The following VWA8 variants were observed in gnomAD, a reference collection of about 807,000 sequenced individuals.
VWA8 encodes von Willebrand factor A domain containing 8.
VWA8 carries 221 observed loss-of-function variants against 241.5 expected under a neutral mutation model. That is an observed-to-expected ratio of 0.91 (90% CI 0.82 to 1.02). The LOEUF is 1.02. Among genes scored for constraint, VWA8 ranks in the 50% least tolerant of loss-of-function variants. The pLI, the probability that VWA8 is intolerant of heterozygous loss-of-function variation, is 0.00. For synonymous variants in VWA8, 852 were observed against 827.1 expected (o/e 1.03, Z -0.52); for missense variants, 2,322 against 2,328.7 (o/e 1.00, Z 0.06).
chr13:41,888,152 T>C lies in VWA8; in HGVS notation c.652-791A>G, dbSNP rs530888169. Among the ~76,000 whole-genome samples, 13 of 152,318 alleles carry C rather than the reference T, an allele frequency of 8.5e-5. No individual in the cohort carries two copies. In the South Asian group the frequency reaches 2.7e-3, roughly 32 times the overall value. ...CTGCTAGGAAAACTAAATGTGTAAA[T>C]GTATGTGCAAACAAGTGGCCCAAAG... On this transcript the variant is annotated intron_variant, in intron 5 of 44. Coordinates refer to ENST00000379310, the MANE Select transcript of VWA8 (RefSeq NM_015058.2).
At chr13:41,774,357 G>A (rs946461909) in intron 20 of VWA8, among the ~76,000 whole-genome samples, 1 of 152,162 alleles carries the variant, frequency 6.6e-6, no homozygotes, top group Non-Finnish European at 1.5e-5. Context: ...TGGCCAGGCT[G>A]GTCTCAAACT....
At chr13:41,608,658 A>C (rs1181291694) in intron 39 of VWA8, among the ~76,000 whole-genome samples, 1 of 152,186 alleles carries the variant, frequency 6.6e-6, no homozygotes, top group African/African-American at 2.4e-5. Context: ...TGTGAGGCTG[A>C]TTAGTTTTGC....
At chr13:41,870,657 A>G (rs1653962196) in intron 9 of VWA8, among the ~76,000 whole-genome samples, 1 of 151,908 alleles carries the variant, frequency 6.6e-6, no homozygotes, top group Non-Finnish European at 1.5e-5. Flanking sequence ...AAAAAAGAAA[A>G]AAAATTTAGA....
At chr13:41,831,604 C>A (rs1156709572) in intron 13 of VWA8, among the ~76,000 whole-genome samples, 1 of 143,206 alleles carries the variant, frequency 7.0e-6, no homozygotes, top group Non-Finnish European at 1.5e-5. Flanking sequence ...TGGTGAAGCC[C>A]AGGCATGAGT....
At position 41,617,939 on chromosome 13, in the gene VWA8, C is replaced by G. The variant is rs1201935975; in HGVS notation, c.4612-2855G>C. ...TGTGAATAGTGCCGCAATAAACATA[C>G]GTGTGCATGTGTCTTTATAGTAGCA... On this transcript the variant is annotated intron_variant, in intron 37 of 44. Transcript: ENST00000379310. Among the ~76,000 whole-genome samples the G allele has an allele frequency of 3.3e-5, 5 of 151,952 alleles. No homozygotes were observed. In the East Asian group the frequency reaches 9.6e-4, roughly 29 times the overall value.
chr13:41,798,061 A>G (rs2137956989), intron 17 of VWA8, among the ~76,000 whole-genome samples: 1 of 152,282 alleles, frequency 6.6e-6, no homozygotes. Context: ...CAAAATTTAC[A>G]CACACATACT....
intron 42 of VWA8, among the ~76,000 whole-genome samples, chr13:41,583,358 C>T (rs1012959741): frequency 3.9e-5 from 6 of 152,016 alleles, no homozygotes; most frequent in Admixed American, 6.5e-5. Context: ...AACAAACAGC[C>T]TAGGGCCAGG....
In VWA8 at chr13:41,816,727, G is replaced by A. The variant is rs1225604075; in HGVS notation, c.1918C>T (p.His640Tyr). Residue 640 changes from histidine to tyrosine, a missense_variant, in exon 16 of 45, where the codon CAC becomes TAC. Transcript: ENST00000379310. ...EALDKLLSFT[H>Y]KLRETQDPTA... ...GGATCCTGTGTTTCTCTGAGTTTGT[G>A]TGTAAATGATAATAACTTATCCAGA... 1.2e-6 allele frequency: 2 copies of A among 1,613,690 alleles called. No individual in the cohort carries two copies. Among genetic ancestry groups the A allele is most frequent in the South Asian group, 2.2e-5 (2 of 91,018 alleles).
intron 18 of VWA8, among the ~76,000 whole-genome samples, chr13:41,784,727 T>TATATATATACAC (rs1555335045): frequency 4.3e-5 from 3 of 69,012 alleles, no homozygotes; most frequent in South Asian, 5.1e-4. Context: ...TATATATATA[T>TATATATATACAC]ATACACACAC....
At chr13:41,871,716 T>C (rs1213231223) in intron 9 of VWA8, among the ~76,000 whole-genome samples, 5 of 152,266 alleles carry the variant, frequency 3.3e-5, no homozygotes, top group South Asian at 2.1e-4. Context: ...TGTTGGACAT[T>C]TGGGTTGGTT....
chr13:41,894,364 G>A (rs1875000081), intron 4 of VWA8, among the ~76,000 whole-genome samples: 1 of 152,134 alleles, frequency 6.6e-6, no homozygotes, highest in Non-Finnish European at 1.5e-5. Flanking sequence ...TGGCAGTACT[G>A]TGACCACAAA....
chr13:41,815,651 T>C (rs553932198), intron 16 of VWA8, among the ~76,000 whole-genome samples: 1 of 152,370 alleles, frequency 6.6e-6, no homozygotes, highest in African/African-American at 2.4e-5. Flanking sequence ...GACACTTTGA[T>C]TCTGGCTCAG....
chr13:41,652,737 C>T lies in VWA8; in HGVS notation c.4611+18209G>A, dbSNP rs565019083. ...AGTCAGAGGAAATTTCTCTGTGCTA[C>T]AATACCTCACTAAAATTTCTGAATT... On this transcript the variant is annotated intron_variant, in intron 37 of 44. Coordinates refer to ENST00000379310, the MANE Select transcript of VWA8 (RefSeq NM_015058.2). Among the ~76,000 whole-genome samples, 23 of 152,272 alleles carry T rather than the reference C, an allele frequency of 1.5e-4. 1 individual carries two copies. In the South Asian group the frequency reaches 4.6e-3, roughly 30 times the overall value.
At chr13:41,712,382 T>C (rs888234958) in intron 26 of VWA8, among the ~76,000 whole-genome samples, 1 of 152,164 alleles carries the variant, frequency 6.6e-6, no homozygotes, top group African/African-American at 2.4e-5. Context: ...TAAAATATTA[T>C]GTATCAATAA....
At chr13:41,691,237 A>G (rs1290358470) in intron 32 of VWA8, 83 bp downstream of exon 32, 2 of 1,477,968 alleles carry the variant, frequency 1.4e-6, no homozygotes, top group African/African-American at 2.8e-5. Context: ...CACAGGAAAG[A>G]CAGAACAGTA....
Position 41,800,810 on chromosome 13 carries a change from A to AC in VWA8, c.2063+10414dup, listed in dbSNP as rs370184224. Among the ~76,000 whole-genome samples, 104 of 150,326 alleles carry AC rather than the reference A, an allele frequency of 6.9e-4. 2 individuals carry two copies. Among genetic ancestry groups the AC allele is most frequent in the East Asian group, 5.9e-3 (30 of 5,110 alleles). ...TCCATCTCCAAAAAAAAAAAAAAAA[A>AC]CACCGTGTTTTAGAAGAGATCCATT... On this transcript the variant is annotated intron_variant, in intron 17 of 44. Coordinates refer to ENST00000379310, the MANE Select transcript of VWA8 (RefSeq NM_015058.2).
chr13:41,590,947 G>A (rs756889648), intron 40 of VWA8, among the ~76,000 whole-genome samples, 182 bp from the exon 41 acceptor site: 4 of 152,148 alleles, frequency 2.6e-5, no homozygotes, highest in Non-Finnish European at 4.4e-5. Flanking sequence ...CCCTTTGTCC[G>A]TTTTAATTCT....
intron 2 of VWA8, among the ~76,000 whole-genome samples, chr13:41,931,499 T>G (rs1182270970): frequency 6.6e-6 from 1 of 151,942 alleles, no homozygotes; most frequent in Non-Finnish European, 1.5e-5. Context: ...ATGTACAATA[T>G]GAGGACTATA....
intron 36 of VWA8, among the ~76,000 whole-genome samples, chr13:41,672,389 CTTA>C (rs1316639568): frequency 2.0e-5 from 3 of 152,032 alleles, no homozygotes; most frequent in Non-Finnish European, 4.4e-5. Flanking sequence ...GAGTATAGCT[CTTA>C]TTATACAAAA....
Sources: allele counts gnomAD v4.1 joint callset (sites outside exome capture counted in the v4.1 genomes callset), GRCh38; gene constraint gnomAD v4.1.1; transcripts MANE v1.5; gene names NCBI Gene and HGNC (gene_info 2026-07-23, HGNC 2026-07-21).